The following RAB10 variants were observed in gnomAD, a reference collection of about 807,000 sequenced individuals.
RAB10 encodes the protein ras-related protein Rab-10.
Under a neutral mutation model 25.7 loss-of-function variants are expected in RAB10, and 5 were observed. That is an observed-to-expected ratio of 0.19 (90% CI 0.10 to 0.41). The LOEUF (loss-of-function observed/expected upper bound fraction) is 0.41. Among genes scored for constraint, RAB10 ranks in the 10% least tolerant of loss-of-function variants. The probability of loss-of-function intolerance (pLI) is 1.00; values close to 1 mark genes in which losing one functional copy is unlikely to be tolerated. For missense variants in RAB10, 103 were observed against 245.8 expected, an observed-to-expected ratio of 0.42 and a Z score of 3.89; for synonymous variants, 89 against 86.4, an observed-to-expected ratio of 1.03 and a Z score of -0.16.
At chr2:26,120,104 T>C (rs958943470) in intron 3 of RAB10, among the ~76,000 whole-genome samples, 4 of 152,254 alleles carry the variant, frequency 2.6e-5, no homozygotes, top group Admixed American at 6.5e-5. Flanking sequence ...TCAGCCTGCT[T>C]GCACCTAACT....
intron 1 of RAB10, among the ~76,000 whole-genome samples, chr2:26,062,323 T>C (rs1419945940): frequency 6.6e-6 from 1 of 152,180 alleles, no homozygotes; most frequent in Admixed American, 6.5e-5. Context: ...AGTGGATCTA[T>C]GTATTATGAT....
intron 5 of RAB10, among the ~76,000 whole-genome samples, chr2:26,129,673 A>G (rs1277614322): frequency 6.6e-6 from 1 of 152,232 alleles, no homozygotes; most frequent in Admixed American, 6.5e-5. Flanking sequence ...CAAACTGGAA[A>G]AAACAGTCAT....
intron 5 of RAB10, among the ~76,000 whole-genome samples, chr2:26,132,501 C>T (rs1558290420): frequency 6.6e-6 from 1 of 152,224 alleles, no homozygotes; most frequent in African/African-American, 2.4e-5. Context: ...GATCTGCCCA[C>T]CTTGGCCTCC....
chr2:26,061,989 A>G (rs867070472), intron 1 of RAB10, among the ~76,000 whole-genome samples: 36 of 152,102 alleles, frequency 2.4e-4, no homozygotes, highest in African/African-American at 8.5e-4. Context: ...GTCTCTTACC[A>G]TGAACAGTTG....
At chr2:26,127,300 T>C (rs112220056) in intron 4 of RAB10, 67 bp downstream of exon 4, 34 of 1,177,792 alleles carry the variant, frequency 2.9e-5, no homozygotes, top group African/African-American at 1.4e-4. Context: ...TTTGATTATT[T>C]TTATAGTAAT....
At chr2:26,088,561 C>T (rs1667033636) in intron 1 of RAB10, among the ~76,000 whole-genome samples, 1 of 152,042 alleles carries the variant, frequency 6.6e-6, no homozygotes, top group Non-Finnish European at 1.5e-5. Context: ...ACTTTCCTCT[C>T]ATCTCTCAAT....
At chr2:26,110,443 A>C (rs969218202) in intron 3 of RAB10, among the ~76,000 whole-genome samples, 1 of 152,292 alleles carries the variant, frequency 6.6e-6, no homozygotes, top group South Asian at 2.1e-4. Context: ...AATTACTCCA[A>C]AACTCTGTAT....
intron 1 of RAB10, among the ~76,000 whole-genome samples, chr2:26,083,849 A>C (rs769388128): frequency 6.6e-6 from 1 of 152,196 alleles, no homozygotes; most frequent in Non-Finnish European, 1.5e-5. Flanking sequence ...TTAGCAGCAA[A>C]CAATGAGAAA....
chr2:26,082,163 T>A (rs1666882924), intron 1 of RAB10, among the ~76,000 whole-genome samples: 1 of 152,114 alleles, frequency 6.6e-6, no homozygotes. Context: ...ACAAAGAAAT[T>A]TTAAAAAACA....
intron 1 of RAB10, among the ~76,000 whole-genome samples, chr2:26,038,642 G>T (rs944306223): frequency 6.6e-6 from 1 of 151,954 alleles, no homozygotes; most frequent in Non-Finnish European, 1.5e-5. Context: ...ATACCATTGG[G>T]CGGGGCGCGA....
intron 1 of RAB10, among the ~76,000 whole-genome samples, chr2:26,037,308 T>G (rs1267511555): frequency 6.6e-6 from 1 of 152,198 alleles, no homozygotes; most frequent in Admixed American, 6.6e-5. Flanking sequence ...TGTGCAACTT[T>G]GGCAGATTAC....
intron 1 of RAB10, among the ~76,000 whole-genome samples, chr2:26,080,307 G>C (rs1666839287): frequency 1.3e-5 from 2 of 152,188 alleles, no homozygotes; most frequent in African/African-American, 4.8e-5. Flanking sequence ...AAAAGAATGA[G>C]AGAAACACCG....
At chr2:26,090,148 T>G (rs1667072337) in intron 1 of RAB10, among the ~76,000 whole-genome samples, 1 of 152,210 alleles carries the variant, frequency 6.6e-6, no homozygotes, top group Non-Finnish European at 1.5e-5. Flanking sequence ...TTTGTTGGTT[T>G]GGTAAAGCAA....
chr2:26,111,166 G>C (rs1667560266), intron 3 of RAB10, among the ~76,000 whole-genome samples: 1 of 152,136 alleles, frequency 6.6e-6, no homozygotes, highest in Non-Finnish European at 1.5e-5. Context: ...ATTTTGGCCA[G>C]ATACACAAAG....
chr2:26,096,328 A>C lies in RAB10; in HGVS notation c.128-2334A>C, dbSNP rs141623126. Among the ~76,000 whole-genome samples the C allele has an allele frequency of 2.1e-3, 319 of 152,258 alleles. 1 individual carries two copies. The highest frequency in any genetic ancestry group is 7.5e-3 in the African/African-American group (312 of 41,558). ...CAGAGCAGCTTCAGAATTCTGATGT[A>C]GAAAGTGTAAGGATGTATGCCAGAA... is the stretch of plus-strand genomic sequence containing the variant. On this transcript the variant is annotated intron_variant, in intron 1 of 5. Transcript: ENST00000264710.
intron 1 of RAB10, among the ~76,000 whole-genome samples, chr2:26,085,162 A>G (rs1024802870): frequency 2.0e-5 from 3 of 152,144 alleles, no homozygotes; most frequent in Non-Finnish European, 4.4e-5. Context: ...GACTTCATCA[A>G]AATGAACTCT....
chr2:26,064,389 T>C (rs2149268279), intron 1 of RAB10, among the ~76,000 whole-genome samples: 1 of 152,280 alleles, frequency 6.6e-6, no homozygotes, highest in Admixed American at 6.5e-5. Flanking sequence ...TGGGATGCAT[T>C]TCTGCTCATT....
intron 1 of RAB10, among the ~76,000 whole-genome samples, chr2:26,094,646 C>T (rs921578543): frequency 3.9e-5 from 6 of 152,100 alleles, no homozygotes; most frequent in African/African-American, 1.4e-4. Flanking sequence ...GCAGCCTGCG[C>T]CTCCCGGGTT....
chr2:26,086,780 G>A (rs2149275880), intron 1 of RAB10, among the ~76,000 whole-genome samples: 1 of 152,340 alleles, frequency 6.6e-6, no homozygotes, highest in South Asian at 2.1e-4. Flanking sequence ...GCATACAGTG[G>A]AGTATTATTC....
Sources: allele counts gnomAD v4.1 joint callset (sites outside exome capture counted in the v4.1 genomes callset), GRCh38; gene constraint gnomAD v4.1.1; transcripts MANE v1.5; gene names NCBI Gene and HGNC (gene_info 2026-07-23, HGNC 2026-07-21).